The following MDFIC2 variants were observed in gnomAD, a reference collection of about 807,000 sequenced individuals.
The protein encoded by MDFIC2 is myoD family inhibitor domain-containing protein 2.
intron 2 of MDFIC2, among the ~76,000 whole-genome samples, chr3:70,278,527 G>A (rs972994616): frequency 1.3e-5 from 2 of 152,192 alleles, no homozygotes; most frequent in Non-Finnish European, 2.9e-5. Flanking sequence ...AAGACTGTAT[G>A]AGAGTTCAGT....
chr3:70,309,956 C>A (rs1387649028), intron 2 of MDFIC2, among the ~76,000 whole-genome samples: 1 of 152,038 alleles, frequency 6.6e-6, no homozygotes, highest in Non-Finnish European at 1.5e-5. Flanking sequence ...CTATCAATTT[C>A]ATTATTATTT....
At chr3:70,308,347 A>G (rs1702422775) in intron 2 of MDFIC2, among the ~76,000 whole-genome samples, 2 of 152,154 alleles carry the variant, frequency 1.3e-5, no homozygotes, top group South Asian at 4.1e-4. Flanking sequence ...ATGAGTCACT[A>G]TGCTGAGCAA....
At chr3:70,303,849 T>C (rs998065625) in intron 2 of MDFIC2, among the ~76,000 whole-genome samples, 1 of 151,974 alleles carries the variant, frequency 6.6e-6, no homozygotes, top group Non-Finnish European at 1.5e-5. Context: ...GCCTGTGTAA[T>C]TTTTTGTATT....
chr3:70,307,722 A>T (rs1702415760), intron 2 of MDFIC2, among the ~76,000 whole-genome samples: 1 of 152,112 alleles, frequency 6.6e-6, no homozygotes, highest in South Asian at 2.1e-4. Context: ...ACATATTTAC[A>T]GGCTCATATC....
At chr3:70,302,330 A>C (rs1242488284) in intron 2 of MDFIC2, among the ~76,000 whole-genome samples, 2 of 152,084 alleles carry the variant, frequency 1.3e-5, no homozygotes, top group African/African-American at 4.8e-5. Context: ...ATATTCCTCT[A>C]AATGCAGTTC....
chr3:70,250,033 T>TAA (rs1017062115), intron 2 of MDFIC2, among the ~76,000 whole-genome samples: 1 of 152,180 alleles, frequency 6.6e-6, no homozygotes, highest in Non-Finnish European at 1.5e-5. Context: ...TTCGAGTTGT[T>TAA]TATTAAGTTA....
intron 2 of MDFIC2, among the ~76,000 whole-genome samples, chr3:70,209,564 T>C (rs552132404): frequency 6.6e-6 from 1 of 152,242 alleles, no homozygotes; most frequent in African/African-American, 2.4e-5. Context: ...AACCAAGGCT[T>C]ACAGAGTTTA....
intron 2 of MDFIC2, among the ~76,000 whole-genome samples, chr3:70,251,982 G>A (rs1242736719): frequency 6.6e-6 from 1 of 152,154 alleles, no homozygotes; most frequent in African/African-American, 2.4e-5. Flanking sequence ...TTCAAAACAC[G>A]TGTTAAGGAA....
intron 2 of MDFIC2, among the ~76,000 whole-genome samples, chr3:70,224,830 C>T (rs1027377373): frequency 1.3e-5 from 2 of 152,044 alleles, no homozygotes; most frequent in Admixed American, 6.6e-5. Flanking sequence ...AGTTTCCCCC[C>T]CCACACCTCA....
intron 2 of MDFIC2, among the ~76,000 whole-genome samples, chr3:70,270,434 A>G (rs927487068): frequency 6.6e-6 from 1 of 152,220 alleles, no homozygotes; most frequent in Non-Finnish European, 1.5e-5. Flanking sequence ...GATCTGTTTA[A>G]GCACTAAGTT....
chr3:70,298,737 G>A (rs1702316242), intron 2 of MDFIC2, among the ~76,000 whole-genome samples: 1 of 152,054 alleles, frequency 6.6e-6, no homozygotes, highest in East Asian at 1.9e-4. Flanking sequence ...GTTGTAATGA[G>A]TGCAGATGAG....
chr3:70,237,320 G>T (rs1207770643), intron 2 of MDFIC2, among the ~76,000 whole-genome samples: 2 of 152,126 alleles, frequency 1.3e-5, no homozygotes, highest in African/African-American at 4.8e-5. Context: ...ATTAATGAAT[G>T]CTTAAACACT....
intron 2 of MDFIC2, among the ~76,000 whole-genome samples, chr3:70,279,405 G>A (rs778149818): frequency 1.2e-4 from 19 of 152,124 alleles, no homozygotes; most frequent in African/African-American, 2.4e-4. Context: ...TATCACACTC[G>A]TCAGAAAGAC....
At chr3:70,271,318 G>C (rs369929775) in intron 2 of MDFIC2, among the ~76,000 whole-genome samples, 17 of 152,084 alleles carry the variant, frequency 1.1e-4, no homozygotes, top group African/African-American at 3.4e-4. Flanking sequence ...AAACTGGAGA[G>C]CATTATGCAC....
intron 2 of MDFIC2, chr3:70,283,969 G>C (rs1256939642): frequency 1.3e-5 from 2 of 151,982 alleles, no homozygotes; most frequent in Non-Finnish European, 2.9e-5. Flanking sequence ...CTGATCTCTA[G>C]TTTTCCCACC....
At chr3:70,295,728 A>G (rs532321910) in intron 2 of MDFIC2, among the ~76,000 whole-genome samples, 1 of 152,288 alleles carries the variant, frequency 6.6e-6, no homozygotes, top group African/African-American at 2.4e-5. Flanking sequence ...AAATACTACA[A>G]TGCAAATATT....
At position 70,206,565 on chromosome 3, in the gene MDFIC2, A is replaced by G. The variant is rs1207412557; in HGVS notation, c.310+4T>C. 6 of 397,586 alleles carry G rather than the reference A, an allele frequency of 1.5e-5. No individual in the cohort carries two copies. The highest frequency in any genetic ancestry group is 2.5e-4 in the South Asian group (2 of 7,850). 24.6% of individuals were successfully genotyped at this position (397,586 alleles called of 1,614,324 possible). A position where few individuals can be genotyped will look rare whatever the true frequency, so the allele number is the denominator to read the frequency against. On this transcript the variant is annotated splice_donor_region_variant and intron_variant, in intron 3 of 3. Coordinates refer to ENST00000567252, the MANE Select transcript of MDFIC2 (RefSeq NM_001364677.1). ...AGAGATGGGTTGAATTCTGAGAAAC[A>G]TACCATCAGTGTCTCTGTGATGAAC... is the stretch of plus-strand genomic sequence containing the variant.
intron 2 of MDFIC2, among the ~76,000 whole-genome samples, chr3:70,210,671 A>G (rs907634383): frequency 1.4e-4 from 22 of 152,166 alleles, no homozygotes; most frequent in African/African-American, 5.1e-4. Context: ...GTGAAACTAT[A>G]TTTGGGATGT....
At chr3:70,300,255 A>G (rs1206283562) in intron 2 of MDFIC2, among the ~76,000 whole-genome samples, 1 of 152,148 alleles carries the variant, frequency 6.6e-6, no homozygotes, top group African/African-American at 2.4e-5. Context: ...TGAGTAAACA[A>G]CAATCTAATA....
Sources: gnomAD v4.1 joint callset for allele counts (sites outside exome capture counted in the v4.1 genomes callset) on GRCh38, gnomAD v4.1.1 for gene constraint, MANE v1.5 for transcripts, NCBI Gene and HGNC (gene_info 2026-07-23, HGNC 2026-07-21) for gene names.